TARS3: variants seen among roughly 807,000 people sequenced by gnomAD.
TARS3 encodes threonyl-tRNA synthetase 3.
A neutral mutation model predicts 103.5 loss-of-function variants in TARS3; 94 were observed. The ratio of observed to expected loss-of-function variants is 0.91; its 90% CI spans 0.77 to 1.08. The LOEUF (loss-of-function observed/expected upper bound fraction) is 1.08, where lower values mean the gene tolerates loss of function less well. Among genes scored for constraint, TARS3 ranks in the 50% least tolerant of loss-of-function variants. The pLI, the probability that TARS3 is intolerant of heterozygous loss-of-function variation, is 0.00. For synonymous variants in TARS3, 416 were observed against 355.4 expected (o/e 1.17, Z -1.92); for missense variants, 952 against 995.2 (o/e 0.96, Z 0.58).
intron 15 of TARS3, among the ~76,000 whole-genome samples, chr15:101,666,599 ATAAC>A (rs1270167683): frequency 3.9e-5 from 6 of 152,140 alleles, no homozygotes; most frequent in Admixed American, 1.3e-4. Flanking sequence ...TTAAAACTAA[ATAAC>A]TATCAACCCA....
In TARS3 at chr15:101,654,469, C is replaced by CA. The variant is rs1897124546; in HGVS notation, c.*112dup. 9.0e-7 allele frequency: 1 copy of CA among 1,116,222 alleles called. No individual in the cohort carries two copies. The highest frequency in any genetic ancestry group is 1.3e-6 in the Non-Finnish European group (1 of 789,348). 69.1% of individuals were successfully genotyped at this position (1,116,222 alleles called of 1,614,324 possible). On this transcript the variant is annotated 3_prime_UTR_variant, in exon 19 of 19. Transcript: ENST00000335968. ...CATCGTCTCCTTTCTCAGCTGAGGC[C>CA]ATGAGTGGACCCATCAGTGGCTCCA...
chr15:101,678,904 G>T (rs1159947573), intron 12 of TARS3, among the ~76,000 whole-genome samples: 2 of 152,070 alleles, frequency 1.3e-5, no homozygotes, highest in Admixed American at 1.3e-4. Flanking sequence ...TTTAGACATA[G>T]AATTCTGGGT....
At chr15:101,657,239 C>T (rs993135694) in intron 17 of TARS3, among the ~76,000 whole-genome samples, 4 of 152,258 alleles carry the variant, frequency 2.6e-5, no homozygotes, top group African/African-American at 9.6e-5. Context: ...CAGCTCCCAT[C>T]TCTCTCAGAT....
At chr15:101,656,880 G>GA (rs755823644) in intron 18 of TARS3, 42 bp downstream of exon 18, 101 of 1,291,594 alleles carry the variant, frequency 7.8e-5, no homozygotes, top group Non-Finnish European at 1.0e-4. Flanking sequence ...ATTGAAGTGG[G>GA]AAAAAAAAGC....
chr15:101,693,555 T>C (rs1898830132), intron 10 of TARS3, among the ~76,000 whole-genome samples: 1 of 152,156 alleles, frequency 6.6e-6, no homozygotes, highest in Admixed American at 6.5e-5. Flanking sequence ...CTCCTAGGTA[T>C]TTACTCTAGT....
intron 15 of TARS3, among the ~76,000 whole-genome samples, chr15:101,667,794 G>A (rs757584767): frequency 2.0e-5 from 3 of 151,908 alleles, no homozygotes; most frequent in Non-Finnish European, 4.4e-5. Context: ...CAACCATATG[G>A]AGTTGGCCAG....
intron 3 of TARS3, among the ~76,000 whole-genome samples, chr15:101,720,546 T>C (rs142312137): frequency 3.0e-4 from 46 of 152,322 alleles, no homozygotes; most frequent in Middle Eastern, 3.4e-3. Context: ...CTATATATTT[T>C]TATTAGAACA....
intron 12 of TARS3, among the ~76,000 whole-genome samples, chr15:101,679,412 C>T (rs62027593): frequency 0.033 from 5,001 of 152,284 alleles, 100 homozygotes; most frequent in Non-Finnish European, 0.046. Flanking sequence ...AATCTATTCA[C>T]TGAATATTAT....
chr15:101,675,593 C>G lies in TARS3; in HGVS notation c.1788+7G>C, dbSNP rs376881254. 6.2e-7 allele frequency: 1 copy of G among 1,611,882 alleles called. No individual in the cohort carries two copies. Among genetic ancestry groups the G allele is most frequent in the Non-Finnish European group, 8.5e-7 (1 of 1,179,290 alleles). ...AATGAAGAGGAAGCACAAGGTGTGT[C>G]TCTTACCTTCTCAGCCTCATTCCAC... On this transcript the variant is annotated splice_region_variant and intron_variant, in intron 13 of 18. Transcript: ENST00000335968.
At chr15:101,662,272 A>C (rs2939585) in intron 15 of TARS3, among the ~76,000 whole-genome samples, 54,670 of 145,450 alleles carry the variant, frequency 0.38, 10,791 homozygotes, top group Non-Finnish European at 0.47. Context: ...TCCCCTTAGG[A>C]AAAAAAAATG....
Position 101,724,347 on chromosome 15 carries a change from C to A in TARS3, c.41G>T (p.Arg14Leu). ...EALAAEAVAS[R>L]LERQEEDIRW... ...GATGTCCTCCTCCTGCCGCTCCAGG[C>A]GCGACGCCACGGCCTCCGCCGCCAG... is the stretch of plus-strand genomic sequence containing the variant. Residue 14 changes from arginine to leucine, a missense_variant, in exon 1 of 19, where the codon CGC (arginine) becomes CTC (leucine). By Grantham distance (102) the Arg-to-Leu change is moderately radical. Coordinates refer to ENST00000335968, the MANE Select transcript of TARS3 (RefSeq NM_152334.3). 1.9e-6 allele frequency: 3 copies of A among 1,552,294 alleles called. No individual in the cohort carries two copies. Among genetic ancestry groups the A allele is most frequent in the Non-Finnish European group, 2.6e-6 (3 of 1,156,044 alleles).
At chr15:101,708,356 A>AT (rs1899686089) in intron 6 of TARS3, among the ~76,000 whole-genome samples, 1 of 151,876 alleles carries the variant, frequency 6.6e-6, no homozygotes, top group Non-Finnish European at 1.5e-5. Context: ...TCAGGAATAT[A>AT]TTTAAGTACG....
chr15:101,694,661 CG>C (rs1567341911), intron 10 of TARS3, among the ~76,000 whole-genome samples: 1 of 152,100 alleles, frequency 6.6e-6, no homozygotes, highest in Non-Finnish European at 1.5e-5. Flanking sequence ...TCTCCAGCAA[CG>C]TACTTTAAAT....
intron 5 of TARS3, among the ~76,000 whole-genome samples, chr15:101,709,659 T>A (rs1210109352): frequency 1.3e-5 from 2 of 152,206 alleles, no homozygotes; most frequent in Admixed American, 6.5e-5. Context: ...AGCAGATGGC[T>A]GCTTGTGCAT....
chr15:101,684,826 C>G (rs988683668), intron 11 of TARS3, among the ~76,000 whole-genome samples: 3 of 152,166 alleles, frequency 2.0e-5, no homozygotes, highest in Admixed American at 6.5e-5. Context: ...TGCCTCTAAG[C>G]CACCGTGGTC....
At chr15:101,672,023 C>T (rs573232318) in intron 13 of TARS3, among the ~76,000 whole-genome samples, 4 of 152,132 alleles carry the variant, frequency 2.6e-5, no homozygotes, top group East Asian at 1.9e-4. Context: ...AGGGAGGGGT[C>T]GCTTTTGACC....
intron 17 of TARS3, among the ~76,000 whole-genome samples, 155 bp downstream of exon 17, chr15:101,657,630 G>C (rs1257498643): frequency 6.6e-6 from 1 of 152,212 alleles, no homozygotes; most frequent in Non-Finnish European, 1.5e-5. Flanking sequence ...CAGCTGCAGA[G>C]ACATGATTCG....
intron 3 of TARS3, among the ~76,000 whole-genome samples, chr15:101,720,704 T>C (rs1012371982): frequency 4.6e-5 from 7 of 152,292 alleles, no homozygotes; most frequent in African/African-American, 1.7e-4. Context: ...CCAAACCTCA[T>C]CTTGAACTCT....
rs1418577454 is a variant in TARS3, at chr15:101,657,636, A to T, written c.2145+149T>A. The T allele has an allele frequency of 5.8e-6, 3 of 514,334 alleles. No individual in the cohort carries two copies. In the Admixed American group the frequency reaches 1.1e-4, roughly 19 times the overall value. The allele number at this position is 514,334 out of a possible 1,614,324, so 31.9% of individuals were successfully genotyped here. The stretch of plus-strand genomic sequence containing the variant: ...GTTCTGAGACAGCTGCAGAGACATG[A>T]TTCGTGTGTTACTCCCACCTGCTGA... On this transcript the variant is annotated intron_variant, in intron 17 of 18. Coordinates refer to ENST00000335968, the MANE Select transcript of TARS3 (RefSeq NM_152334.3).
Sources: gnomAD v4.1 joint callset for allele counts (sites outside exome capture counted in the v4.1 genomes callset) on GRCh38, gnomAD v4.1.1 for gene constraint, MANE v1.5 for transcripts, NCBI Gene and HGNC (gene_info 2026-07-23, HGNC 2026-07-21) for gene names.